Variants in GRIN3A observed in about 807,000 individuals in gnomAD.
GRIN3A encodes glutamate ionotropic receptor NMDA type subunit 3A, also known as glutamate receptor ionotropic, NMDA 3A.
Under a neutral mutation model 92.4 loss-of-function variants are expected in GRIN3A, and 47 were observed. The observed-to-expected ratio is 0.51, with a 90% CI of 0.40 to 0.65. The LOEUF (loss-of-function observed/expected upper bound fraction) is 0.65, where lower values mean the gene tolerates loss of function less well. Ranked by LOEUF, GRIN3A falls within the 30% of genes least tolerant of loss-of-function variation. The pLI, the probability that GRIN3A is intolerant of heterozygous loss-of-function variation, is 0.00. For synonymous variants in GRIN3A, 527 were observed against 540.6 expected (o/e 0.97, Z 0.35); for missense variants, 1,324 against 1,393.1 (o/e 0.95, Z 0.79).
rs1386693500 is a variant in GRIN3A, at chr9:101,694,183, A to G, written c.700-6983T>C. Among the ~76,000 whole-genome samples, 5 of 152,228 alleles carry G rather than the reference A, an allele frequency of 3.3e-5. No individual in the cohort carries two copies. In the East Asian group the frequency reaches 9.6e-4, roughly 29 times the overall value. On this transcript the variant is annotated intron_variant, in intron 1 of 8. Coordinates refer to ENST00000361820, the MANE Select transcript of GRIN3A (RefSeq NM_133445.3). ...TGGAACAGGGCCCACTTCTTAAAAT[A>G]GAGTATACACAATTAGAAGAAAGTG...
intron 1 of GRIN3A, among the ~76,000 whole-genome samples, chr9:101,709,938 A>G (rs551517336): frequency 1.3e-5 from 2 of 152,316 alleles, no homozygotes; most frequent in South Asian, 4.1e-4. Flanking sequence ...GGCTTAAAGA[A>G]CATTTCAAAA....
intron 1 of GRIN3A, among the ~76,000 whole-genome samples, chr9:101,691,772 C>T (rs1050506367): frequency 2.5e-4 from 38 of 152,146 alleles, no homozygotes; most frequent in African/African-American, 8.7e-4. Flanking sequence ...AGCAGTTGGG[C>T]TTTTCTGTCC....
intron 1 of GRIN3A, among the ~76,000 whole-genome samples, chr9:101,689,745 C>CACACACACACAT (rs1184791399): frequency 3.3e-5 from 3 of 89,742 alleles, no homozygotes; most frequent in Non-Finnish European, 8.2e-5. Context: ...CACACACATA[C>CACACACACACAT]ACACACACAC....
At chr9:101,676,683 G>A (rs747848493) in intron 2 of GRIN3A, among the ~76,000 whole-genome samples, 7 of 151,752 alleles carry the variant, frequency 4.6e-5, no homozygotes, top group Non-Finnish European at 8.8e-5. Context: ...ATTCTTGTTA[G>A]GTTTACTGAG....
chr9:101,646,698 C>T (rs1272386835), intron 3 of GRIN3A, among the ~76,000 whole-genome samples: 1 of 151,606 alleles, frequency 6.6e-6, no homozygotes, highest in Admixed American at 6.6e-5. Flanking sequence ...TTTCTTTAAT[C>T]AGTGTTTTAT....
At chr9:101,626,998 C>T (rs1427651643) in intron 4 of GRIN3A, among the ~76,000 whole-genome samples, 1 of 152,192 alleles carries the variant, frequency 6.6e-6, no homozygotes, top group African/African-American at 2.4e-5. Context: ...AGTGGAACTG[C>T]TGGGGACTGC....
chr9:101,655,926 TTGCAGATGAGAGGCCTGTGTAAAAGTG>T (rs1267640444), intron 3 of GRIN3A, among the ~76,000 whole-genome samples: 2 of 152,000 alleles, frequency 1.3e-5, no homozygotes, highest in Non-Finnish European at 2.9e-5. Context: ...CAGCATTCAA[TTGCAGATGAGAGGCCTGTGTAAAAGTG>T]TGCAGATGAT....
At chr9:101,611,504 G>A (rs2118844060) in intron 6 of GRIN3A, among the ~76,000 whole-genome samples, 1 of 152,148 alleles carries the variant, frequency 6.6e-6, no homozygotes, top group African/African-American at 2.4e-5. Flanking sequence ...TAATTTTGGG[G>A]GTACGCTATT....
intron 3 of GRIN3A, among the ~76,000 whole-genome samples, chr9:101,668,940 T>C (rs1349821416): frequency 1.3e-4 from 20 of 152,148 alleles, no homozygotes; most frequent in Non-Finnish European, 5.9e-5. Flanking sequence ...TAGTAACTTA[T>C]AGTAAATAGT....
chr9:101,708,045 A>C (rs1380130110), intron 1 of GRIN3A, among the ~76,000 whole-genome samples: 30 of 152,224 alleles, frequency 2.0e-4, no homozygotes, highest in Admixed American at 2.0e-3. Context: ...GGGCCAGTCT[A>C]TGGAAGCACC....
chr9:101,680,046 A>G (rs938917837), intron 2 of GRIN3A, among the ~76,000 whole-genome samples: 2 of 152,242 alleles, frequency 1.3e-5, no homozygotes, highest in African/African-American at 4.8e-5. Flanking sequence ...AATTTAGATA[A>G]ACTGGTTTAA....
chr9:101,669,517 C>T (rs553212435), intron 3 of GRIN3A, among the ~76,000 whole-genome samples: 1 of 152,104 alleles, frequency 6.6e-6, no homozygotes, highest in Admixed American at 6.6e-5. Flanking sequence ...GCTAATTCTG[C>T]CATCTCAGTT....
At chr9:101,634,938 G>A (rs1828765721) in intron 3 of GRIN3A, among the ~76,000 whole-genome samples, 1 of 152,132 alleles carries the variant, frequency 6.6e-6, no homozygotes, top group South Asian at 2.1e-4. Flanking sequence ...CTGAATATTA[G>A]AATACAGAAA....
At chr9:101,647,828 C>T (rs1158814649) in intron 3 of GRIN3A, among the ~76,000 whole-genome samples, 1 of 151,750 alleles carries the variant, frequency 6.6e-6, no homozygotes, top group Non-Finnish European at 1.5e-5. Context: ...GTATCAGTTA[C>T]AATGTCTCCT....
intron 2 of GRIN3A, among the ~76,000 whole-genome samples, chr9:101,685,273 T>C (rs1191364588): frequency 1.3e-5 from 2 of 151,370 alleles, no homozygotes; most frequent in African/African-American, 4.8e-5. Context: ...AAATTAAATG[T>C]ACAACTATTT....
intron 3 of GRIN3A, among the ~76,000 whole-genome samples, chr9:101,652,803 C>G (rs781161919): frequency 6.6e-6 from 1 of 151,970 alleles, no homozygotes; most frequent in South Asian, 2.1e-4. Context: ...AAACTTTCCT[C>G]TAATATGCAT....
At chr9:101,595,866 A>G (rs1012556034) in intron 6 of GRIN3A, among the ~76,000 whole-genome samples, 1 of 152,218 alleles carries the variant, frequency 6.6e-6, no homozygotes, top group East Asian at 1.9e-4. Flanking sequence ...ATGTGCCCAA[A>G]GAAGCCTTTT....
chr9:101,601,648 C>G lies in GRIN3A; in HGVS notation c.2766+11728G>C, dbSNP rs141316893. 2.0e-5 allele frequency among the ~76,000 whole-genome samples: 3 copies of G among 152,278 alleles called. No homozygotes were observed. In the East Asian group the frequency reaches 5.8e-4, roughly 29 times the overall value. On this transcript the variant is annotated intron_variant, in intron 6 of 8. Coordinates refer to ENST00000361820, the MANE Select transcript of GRIN3A (RefSeq NM_133445.3). ...GCTCCCTTTGAAACCTGTAGGGCAA[C>G]CCTTGCTTGCCTCTTCCTAGCTCCT...
At chr9:101,660,183 C>T (rs944335883) in intron 3 of GRIN3A, among the ~76,000 whole-genome samples, 14 of 151,864 alleles carry the variant, frequency 9.2e-5, no homozygotes, top group African/African-American at 3.1e-4. Context: ...CGTATTCCCT[C>T]ACAGTGTCTT....
Sources: gnomAD v4.1 joint callset for allele counts (sites outside exome capture counted in the v4.1 genomes callset) on GRCh38, gnomAD v4.1.1 for gene constraint, MANE v1.5 for transcripts, NCBI Gene and HGNC (gene_info 2026-07-23, HGNC 2026-07-21) for gene names.